Variants in PDE4D observed in about 807,000 individuals in gnomAD.
PDE4D encodes the protein 3',5'-cyclic-AMP phosphodiesterase 4D.
Under a neutral mutation model 87.4 loss-of-function variants are expected in PDE4D, and 24 were observed. The ratio of observed to expected loss-of-function variants is 0.27; its 90% CI spans 0.20 to 0.39. The LOEUF (loss-of-function observed/expected upper bound fraction) is 0.39. PDE4D is among the 10% of genes least tolerant of loss of function. PDE4D has a pLI of 1.00. For missense variants in PDE4D, 714 were observed against 1,041.0 expected (o/e 0.69, Z 4.32); for synonymous variants, 384 against 383.2 (o/e 1.00, Z -0.02).
At chr5:59,102,155 C>T (rs982182119) in intron 5 of PDE4D, among the ~76,000 whole-genome samples, 6 of 139,446 alleles carry the variant, frequency 4.3e-5, no homozygotes, top group African/African-American at 8.0e-5. Flanking sequence ...GGTATGATCT[C>T]GGCTTACCAC....
At chr5:60,103,361 G>C (rs987696423) in intron 2 of PDE4D, among the ~76,000 whole-genome samples, 9 of 152,130 alleles carry the variant, frequency 5.9e-5, no homozygotes, top group African/African-American at 2.2e-4. Flanking sequence ...CTTAGGCTAA[G>C]AAGAATAGAA....
Position 60,006,176 on chromosome 5 carries a change from G to T in PDE4D, c.43-17459C>A, listed in dbSNP as rs1245469293. The stretch of plus-strand genomic sequence containing the variant: ...ATGGGTAAAGGTACAGATGAAACAA[G>T]AACTAGTTGTATATCGAGAATTGTT... On this transcript the variant is annotated intron_variant, in intron 2 of 16. Transcript: ENST00000502484. Among the ~76,000 whole-genome samples the T allele has an allele frequency of 2.0e-5, 3 of 151,914 alleles. 1 individual carries two copies. The highest frequency in any genetic ancestry group is 7.2e-5 in the African/African-American group (3 of 41,530).
intron 1 of PDE4D, among the ~76,000 whole-genome samples, chr5:59,231,829 T>A (rs769253101): frequency 2.1e-4 from 32 of 152,218 alleles, no homozygotes; most frequent in Non-Finnish European, 4.3e-4. Flanking sequence ...TTAACAGATA[T>A]TTTCATTATG....
intron 1 of PDE4D, among the ~76,000 whole-genome samples, chr5:60,415,680 A>T (rs1742457871): frequency 6.6e-6 from 1 of 152,200 alleles, no homozygotes; most frequent in Non-Finnish European, 1.5e-5. Flanking sequence ...CAGTGCGGCC[A>T]CGCCTGAGTC....
intron 1 of PDE4D, among the ~76,000 whole-genome samples, chr5:59,248,223 G>C (rs1759266281): frequency 6.7e-6 from 1 of 149,478 alleles, no homozygotes; most frequent in Non-Finnish European, 1.5e-5. Flanking sequence ...ACCTCAATAA[G>C]TTGTCCTGTT....
chr5:59,321,325 T>C (rs982682795), intron 1 of PDE4D, among the ~76,000 whole-genome samples: 3 of 152,208 alleles, frequency 2.0e-5, no homozygotes, highest in African/African-American at 7.2e-5. Context: ...ATGATAATCC[T>C]CCAATCTACT....
At chr5:59,991,582 A>C (rs1158973082) in intron 2 of PDE4D, among the ~76,000 whole-genome samples, 1 of 152,120 alleles carries the variant, frequency 6.6e-6, no homozygotes, top group Non-Finnish European at 1.5e-5. Context: ...TAGGGATAAA[A>C]TCAAAAGGTT....
chr5:60,418,880 G>A (rs559694270), intron 1 of PDE4D, among the ~76,000 whole-genome samples: 3 of 142,844 alleles, frequency 2.1e-5, no homozygotes, highest in African/African-American at 5.2e-5. Context: ...CCCCTTATTT[G>A]TTATAACAAG....
chr5:59,269,521 C>G (rs989258866), intron 1 of PDE4D, among the ~76,000 whole-genome samples: 1 of 152,044 alleles, frequency 6.6e-6, no homozygotes, highest in Non-Finnish European at 1.5e-5. Flanking sequence ...TATAGAGATA[C>G]AGAATACACA....
intron 1 of PDE4D, among the ~76,000 whole-genome samples, chr5:59,507,590 A>C (rs1296794079): frequency 6.8e-6 from 1 of 147,976 alleles, no homozygotes; most frequent in Non-Finnish European, 1.5e-5. Flanking sequence ...GCTTGAGCCC[A>C]GGAGTTTGAG....
chr5:59,079,848 GGGAGAGGAGAGGAGAGGAGA>G (rs36226812), intron 5 of PDE4D, among the ~76,000 whole-genome samples: 1 of 97,910 alleles, frequency 1.0e-5, no homozygotes, highest in Admixed American at 1.2e-4. Flanking sequence ...GGGAGAGGAG[GGGAGAGGAGAGGAGAGGAGA>G]GGAGAGGAGA....
intron 1 of PDE4D, among the ~76,000 whole-genome samples, chr5:60,255,382 G>A (rs1748937577): frequency 6.6e-6 from 1 of 151,762 alleles, no homozygotes. Flanking sequence ...TAACTCATTG[G>A]AACTTCTCAG....
At chr5:60,182,649 C>A (rs1364805566) in intron 2 of PDE4D, among the ~76,000 whole-genome samples, 1 of 151,754 alleles carries the variant, frequency 6.6e-6, no homozygotes, top group Non-Finnish European at 1.5e-5. Context: ...GAAGCCGAGG[C>A]GGGCGGATCA....
At chr5:59,180,355 G>C (rs770526239) in intron 5 of PDE4D, 1 of 683,634 alleles carries the variant, frequency 1.5e-6, no homozygotes. Flanking sequence ...ATGAGTATAA[G>C]CACATAGTTA....
intron 2 of PDE4D, among the ~76,000 whole-genome samples, chr5:60,042,108 G>T (rs1026215077): frequency 4.6e-5 from 7 of 152,102 alleles, no homozygotes; most frequent in Admixed American, 4.6e-4. Flanking sequence ...TGGGACACTT[G>T]AGCTTGGTGA....
At chr5:60,195,375 C>A (rs1174022117) in intron 1 of PDE4D, among the ~76,000 whole-genome samples, 1 of 151,694 alleles carries the variant, frequency 6.6e-6, no homozygotes, top group Non-Finnish European at 1.5e-5. Context: ...TTTATATATA[C>A]AATTACAACA....
intron 1 of PDE4D, among the ~76,000 whole-genome samples, chr5:60,206,888 C>A (rs1046288108): frequency 2.0e-5 from 3 of 152,078 alleles, no homozygotes; most frequent in African/African-American, 7.2e-5. Flanking sequence ...AAGGCTAACA[C>A]TAGAAACAAT....
chr5:60,348,817 T>C (rs1758950508), intron 1 of PDE4D, among the ~76,000 whole-genome samples: 1 of 152,128 alleles, frequency 6.6e-6, no homozygotes, highest in African/African-American at 2.4e-5. Context: ...TAACATTAGA[T>C]AAGGAATGGA....
At chr5:59,668,052 T>A (rs554333354) in intron 1 of PDE4D, among the ~76,000 whole-genome samples, 1 of 152,340 alleles carries the variant, frequency 6.6e-6, no homozygotes, top group East Asian at 1.9e-4. Flanking sequence ...GTGGAGAGTG[T>A]GTCCTTAAGA....
Sources: gnomAD v4.1 joint callset for allele counts (sites outside exome capture counted in the v4.1 genomes callset) on GRCh38, gnomAD v4.1.1 for gene constraint, MANE v1.5 for transcripts, NCBI Gene and HGNC (gene_info 2026-07-23, HGNC 2026-07-21) for gene names.